The following KCNJ13 variants were observed in gnomAD, a reference collection of about 807,000 sequenced individuals.
The protein encoded by KCNJ13 is inward rectifier potassium channel 13.
A neutral mutation model predicts 24.6 loss-of-function variants in KCNJ13; 9 were observed. That is an observed-to-expected ratio of 0.37 (90% confidence interval 0.22 to 0.64). The LOEUF (loss-of-function observed/expected upper bound fraction) is 0.64. Ranked by LOEUF, KCNJ13 falls within the 30% of genes least tolerant of loss-of-function variation. KCNJ13 has a pLI of 0.64. For missense variants in KCNJ13, 337 were observed against 443.8 expected (o/e 0.76, Z 2.16); for synonymous variants, 148 against 154.7 (o/e 0.96, Z 0.32).
intron 2 of KCNJ13, among the ~76,000 whole-genome samples, chr2:232,769,533 A>ATTT (rs1436778963): frequency 6.7e-6 from 1 of 148,994 alleles, no homozygotes; most frequent in Non-Finnish European, 1.5e-5. Context: ...AAAAAGTGAT[A>ATTT]TTTTGAAGAA....
rs1699230255 is a variant in KCNJ13 at position 232,771,190 on chromosome 2, A to G, written c.173T>C (p.Leu58Ser). The G allele has an allele frequency of 6.2e-7, 1 of 1,613,704 alleles. No homozygotes were observed. Among genetic ancestry groups the G allele is most frequent in the Non-Finnish European group, 8.5e-7 (1 of 1,179,620 alleles). Residue 58 changes from leucine (L) to serine (S), a missense_variant, in exon 2 of 3, where the codon TTG becomes TCG. This residue lies in a region of KCNJ13 where 101 missense variants were observed against 139.2 expected (regional missense o/e 0.73). Coordinates refer to ENST00000233826, the MANE Select transcript of KCNJ13 (RefSeq NM_002242.4). The part of the protein sequence containing the change: ...LMDMRWRWMM[L>S]VFSASFVVHW... ...GACAACAAAAGAAGCAGAAAAGACC[A>G]ACATCATCCAACGCCAGCGCATGTC...
In KCNJ13 at chr2:232,769,175, C is replaced by T. The variant is rs537325684; in HGVS notation, c.461-362G>A. Among the ~76,000 whole-genome samples the T allele has an allele frequency of 1.1e-3, 168 of 152,206 alleles. 3 individuals carry two copies. In the Middle Eastern group the frequency reaches 0.014, roughly 12 times the overall value. ...ATGCAACTTGGCTACAGCCAGATTA[C>T]GTTGAAGTAGAGACTAGGTTCAGAG... is the stretch of plus-strand genomic sequence containing the variant. On this transcript the variant is annotated intron_variant, in intron 2 of 2. Transcript: ENST00000233826.
rs1698971230 is a variant in KCNJ13, at chr2:232,766,565, G to A, written c.*1626C>T. On this transcript the variant is annotated 3_prime_UTR_variant, in exon 3 of 3. Coordinates refer to ENST00000233826, the MANE Select transcript of KCNJ13 (RefSeq NM_002242.4). ...GTCTTTATGTGTTACAATAGTCTTG[G>A]GTTGGGAAAATCTGTTGGTCTGATT... The A allele has an allele frequency of 6.6e-6, 1 of 152,138 alleles. No homozygotes were observed. The highest frequency in any genetic ancestry group is 6.5e-5 in the Admixed American group (1 of 15,270). The allele number at this position is 152,138 out of a possible 1,614,324, so 9.4% of individuals were successfully genotyped here.
Position 232,768,500 on chromosome 2 carries a change from C to G in KCNJ13, c.774G>C (p.Gln258His), listed in dbSNP as rs1051985295. The change falls in exon 3 of 3, where the codon CAG becomes CAC. Residue 258 changes from glutamine to histidine, a missense_variant. Physicochemically the swap from Gln to His is conservative, Grantham distance 24. Around this residue, in one of 3 missense-constraint regions of KCNJ13, gnomAD observed 235 missense variants for 286.9 expected, o/e 0.82. Transcript: ENST00000233826. ...TPSSPLATLL[Q>H]HENPSHFELV... ...ATTCAAAGTGAGAAGGATTTTCATG[C>G]TGGAGCAGAGTAGCCAGAGGACTTG... 19 of 1,614,036 alleles carry G rather than the reference C, an allele frequency of 1.2e-5. No individual in the cohort carries two copies. The highest frequency in any genetic ancestry group is 1.5e-5 in the Non-Finnish European group (18 of 1,179,990).
chr2:232,769,640 C>T (rs895013860), intron 2 of KCNJ13, among the ~76,000 whole-genome samples: 1 of 151,910 alleles, frequency 6.6e-6, no homozygotes, highest in Non-Finnish European at 1.5e-5. Flanking sequence ...GTGCACCTTT[C>T]AGGTCTATCT....
At position 232,766,735 on chromosome 2, in the gene KCNJ13, G is replaced by C. The variant is rs948082701; in HGVS notation, c.*1456C>G. ...ATTTTCTTTTCCTTTTGGTCAAATA[G>C]TAGAAAAATGTGACTTGCTGCTGAG... On this transcript the variant is annotated 3_prime_UTR_variant, in exon 3 of 3. Transcript: ENST00000233826. 2 of 152,316 alleles carry C rather than the reference G, an allele frequency of 1.3e-5. No individual in the cohort carries two copies. The highest frequency in any genetic ancestry group is 4.1e-4 in the South Asian group (2 of 4,828). 9.4% of individuals were successfully genotyped at this position (152,316 alleles called of 1,614,324 possible).
In KCNJ13 at chr2:232,768,393, A is replaced by G. The variant is rs1335732996; in HGVS notation, c.881T>C (p.Met294Thr). 6.2e-7 allele frequency: 1 copy of G among 1,614,090 alleles called. No homozygotes were observed. Among genetic ancestry groups the G allele is most frequent in the Non-Finnish European group, 8.5e-7 (1 of 1,180,026 alleles). ...CAGAGATGCAAAACAGTGATGTAACATGATTTCAGACGGTAGGTAGGATGT... is the reference window on the plus strand; with the variant it reads ...CAGAGATGCAAAACAGTGATGTAACGTGATTTCAGACGGTAGGTAGGATGT... The part of the protein sequence containing the change: ...RRTSYLPSEI[M>T]LHHCFASLLT... Residue 294 changes from methionine (M) to threonine (T), a missense_variant, in exon 3 of 3, where the codon ATG (methionine) becomes ACG (threonine). Met to Thr is a moderately conservative substitution (Grantham distance 81). This residue lies in a region of KCNJ13 where 235 missense variants were observed against 286.9 expected (regional missense o/e 0.82). Coordinates refer to ENST00000233826, the MANE Select transcript of KCNJ13 (RefSeq NM_002242.4).
At chr2:232,775,584 G>C (rs143268421) in intron 1 of KCNJ13, among the ~76,000 whole-genome samples, 317 of 152,292 alleles carry the variant, frequency 2.1e-3, no homozygotes, top group African/African-American at 6.9e-3. Flanking sequence ...TTCTATTGCT[G>C]TGTGTGGGCT....
chr2:232,774,919 CTGT>C (rs1412030138), intron 1 of KCNJ13, among the ~76,000 whole-genome samples: 1 of 152,172 alleles, frequency 6.6e-6, no homozygotes, highest in Non-Finnish European at 1.5e-5. Context: ...TTTTTCAGGA[CTGT>C]TGTTACTTCT....
intron 1 of KCNJ13, 156 bp downstream of exon 1, chr2:232,776,289 G>A (rs1185788847): frequency 1.9e-6 from 1 of 514,184 alleles, no homozygotes; most frequent in Non-Finnish European, 3.5e-6. Flanking sequence ...AGATTTAAGG[G>A]AAAAGAATAT....
chr2:232,767,017 C>G lies in KCNJ13; in HGVS notation c.*1174G>C, dbSNP rs1698994601. 6.6e-6 allele frequency: 1 copy of G among 151,924 alleles called. No individual in the cohort carries two copies. Among genetic ancestry groups the G allele is most frequent in the Non-Finnish European group, 1.5e-5 (1 of 67,966 alleles). 9.4% of individuals were successfully genotyped at this position (151,924 alleles called of 1,614,324 possible). A position where few individuals can be genotyped will look rare whatever the true frequency, so the allele number is the denominator to read the frequency against. On this transcript the variant is annotated 3_prime_UTR_variant, in exon 3 of 3. Coordinates refer to ENST00000233826, the MANE Select transcript of KCNJ13 (RefSeq NM_002242.4). Reference sequence around the variant, plus strand: ...AAATCATGCAAATGATCATCTTAAACTGGACATAAGGGAAAGGGCTCATTT... The same window carrying G: ...AAATCATGCAAATGATCATCTTAAAGTGGACATAAGGGAAAGGGCTCATTT...
rs1329505172 is a variant in KCNJ13 at position 232,766,989 on chromosome 2, T to G, written c.*1202A>C. 1 of 152,110 alleles carries G rather than the reference T, an allele frequency of 6.6e-6. No homozygotes were observed. Among genetic ancestry groups the G allele is most frequent in the Admixed American group, 6.5e-5 (1 of 15,272 alleles). The allele number at this position is 152,110 out of a possible 1,614,324, so 9.4% of individuals were successfully genotyped here. A position where few individuals can be genotyped will look rare whatever the true frequency, so the allele number is the denominator to read the frequency against. ...ACAGTTTCTCTTTTTTTTATTGAAA[T>G]GAAAATCATGCAAATGATCATCTTA... On this transcript the variant is annotated 3_prime_UTR_variant, in exon 3 of 3. Coordinates refer to ENST00000233826, the MANE Select transcript of KCNJ13 (RefSeq NM_002242.4).
In KCNJ13 at chr2:232,766,401, C is replaced by G. The variant is rs1165613800; in HGVS notation, c.*1790G>C. 1.2e-5 allele frequency: 2 copies of G among 165,012 alleles called. No individual in the cohort carries two copies. The highest frequency in any genetic ancestry group is 4.8e-5 in the African/African-American group (2 of 41,582). 10.2% of individuals were successfully genotyped at this position (165,012 alleles called of 1,614,324 possible). ...ACTTATGTCACCTTGGGCAGCTTCA[C>G]TTAACAAGCGAGAGGGTGAACTGTG... On this transcript the variant is annotated 3_prime_UTR_variant, in exon 3 of 3. Transcript: ENST00000233826.
rs76809839 is a variant in KCNJ13, at chr2:232,765,816, G to A, written c.*2375C>T. 530 of 384,922 alleles carry A rather than the reference G, an allele frequency of 1.4e-3. No homozygotes were observed. Among genetic ancestry groups the A allele is most frequent in the African/African-American group, 2.7e-3 (111 of 41,000 alleles). 23.8% of individuals were successfully genotyped at this position (384,922 alleles called of 1,614,324 possible). Reference sequence around the variant, plus strand: ...CTTGGTAGTATGGGCTTGTACATATGTAAAACTAGGCCCCTGAGATTTTTA... The same window carrying A: ...CTTGGTAGTATGGGCTTGTACATATATAAAACTAGGCCCCTGAGATTTTTA... On this transcript the variant is annotated 3_prime_UTR_variant, in exon 3 of 3. Coordinates refer to ENST00000233826, the MANE Select transcript of KCNJ13 (RefSeq NM_002242.4).
chr2:232,775,311 G>C (rs1699464297), intron 1 of KCNJ13, among the ~76,000 whole-genome samples: 1 of 151,970 alleles, frequency 6.6e-6, no homozygotes, highest in Non-Finnish European at 1.5e-5. Flanking sequence ...AATCCCATTG[G>C]CCTGGCATCC....
chr2:232,769,156 C>T (rs1699110755), intron 2 of KCNJ13, among the ~76,000 whole-genome samples: 1 of 152,168 alleles, frequency 6.6e-6, no homozygotes, highest in African/African-American at 2.4e-5. Context: ...ATAAATGCAA[C>T]TTGGCTACAG....
Position 232,776,434 on chromosome 2 carries a change from C to T in KCNJ13, c.-17+11G>A. The T allele has an allele frequency of 6.3e-7, 1 of 1,599,518 alleles. No homozygotes were observed. The highest frequency in any genetic ancestry group is 8.5e-7 in the Non-Finnish European group (1 of 1,169,666). On this transcript the variant is annotated intron_variant, in intron 1 of 2. Transcript: ENST00000233826. ...AAGGAAAGAAGAATGGATATTATTG[C>T]ATGTACTCACCAGTTCTTTTGCTGG...
In KCNJ13 at chr2:232,766,754, T is replaced by C. The variant is rs1448164581; in HGVS notation, c.*1437A>G. On this transcript the variant is annotated 3_prime_UTR_variant, in exon 3 of 3. Coordinates refer to ENST00000233826, the MANE Select transcript of KCNJ13 (RefSeq NM_002242.4). The stretch of plus-strand genomic sequence containing the variant: ...CAAATAGTAGAAAAATGTGACTTGC[T>C]GCTGAGCCCTGCTCTTCACACCTGC... 1 of 152,278 alleles carries C rather than the reference T, an allele frequency of 6.6e-6. No homozygotes were observed. The highest frequency in any genetic ancestry group is 2.4e-5 in the African/African-American group (1 of 41,470). The allele number at this position is 152,278 out of a possible 1,614,324, so 9.4% of individuals were successfully genotyped here.
Position 232,766,493 on chromosome 2 carries a change from G to T in KCNJ13, c.*1698C>A, listed in dbSNP as rs1698968702. ...TCTTCAATACTACTTTATTTTCAAA[G>T]GTTAGGTGAATCTTGTTAATTTATT... On this transcript the variant is annotated 3_prime_UTR_variant, in exon 3 of 3. Coordinates refer to ENST00000233826, the MANE Select transcript of KCNJ13 (RefSeq NM_002242.4). 2 of 152,344 alleles carry T rather than the reference G, an allele frequency of 1.3e-5. No homozygotes were observed. The highest frequency in any genetic ancestry group is 1.3e-4 in the Admixed American group (2 of 15,298). The allele number at this position is 152,344 out of a possible 1,614,324, so 9.4% of individuals were successfully genotyped here.
Sources: allele counts gnomAD v4.1 joint callset (sites outside exome capture counted in the v4.1 genomes callset), GRCh38; gene constraint gnomAD v4.1.1; regional missense constraint gnomAD v4.1.1; transcripts MANE v1.5; gene names NCBI Gene and HGNC (gene_info 2026-07-23, HGNC 2026-07-21).